Variants in CDH13 observed in about 807,000 individuals in gnomAD.
CDH13 encodes cadherin 13.
In CDH13, 24 loss-of-function variants were observed where a neutral mutation model predicts 63.8. The observed-to-expected ratio is 0.38, with a 90% confidence interval of 0.27 to 0.53. The LOEUF is 0.53. Ranked by LOEUF, CDH13 falls within the 20% of genes least tolerant of loss-of-function variation. The pLI, the probability that CDH13 is intolerant of heterozygous loss-of-function variation, is 0.85. For missense variants in CDH13, 1,049 were observed against 903.1 expected (o/e 1.16, Z -2.07); for synonymous variants, 503 against 355.3 (o/e 1.42, Z -4.67).
chr16:82,937,322 C>T (rs1465919079), intron 2 of CDH13, among the ~76,000 whole-genome samples: 2 of 151,972 alleles, frequency 1.3e-5, no homozygotes, highest in African/African-American at 4.8e-5. Flanking sequence ...TTTTACTTTT[C>T]ATTGGAGGTT....
At chr16:83,572,528 G>A (rs761605576) in intron 7 of CDH13, among the ~76,000 whole-genome samples, 4 of 152,142 alleles carry the variant, frequency 2.6e-5, no homozygotes, top group Non-Finnish European at 5.9e-5. Context: ...TATACTGTCA[G>A]TGTCAGGTTC....
intron 1 of CDH13, among the ~76,000 whole-genome samples, chr16:82,668,177 C>G (rs1025701417): frequency 1.3e-5 from 2 of 152,084 alleles, no homozygotes; most frequent in Non-Finnish European, 2.9e-5. Context: ...GGGCTTGTAG[C>G]TTTCCAGTTC....
At chr16:82,738,345 C>G (rs1405839855) in intron 1 of CDH13, among the ~76,000 whole-genome samples, 2 of 152,178 alleles carry the variant, frequency 1.3e-5, no homozygotes, top group Non-Finnish European at 1.5e-5. Flanking sequence ...AATTTGTGTT[C>G]CTGTCAAACT....
intron 1 of CDH13, among the ~76,000 whole-genome samples, chr16:82,795,992 G>A (rs1195687248): frequency 1.6e-5 from 2 of 127,288 alleles, no homozygotes; most frequent in Non-Finnish European, 3.3e-5. Context: ...ATCTTCTAAT[G>A]TTTTTTCAAG....
intron 2 of CDH13, among the ~76,000 whole-genome samples, chr16:82,958,600 C>T (rs1433346908): frequency 6.6e-6 from 1 of 152,174 alleles, no homozygotes; most frequent in African/African-American, 2.4e-5. Context: ...TTTGAGTGGT[C>T]AAGGGATTCA....
intron 6 of CDH13, among the ~76,000 whole-genome samples, chr16:83,403,026 G>A (rs949634079): frequency 2.0e-5 from 3 of 152,124 alleles, no homozygotes; most frequent in African/African-American, 7.2e-5. Flanking sequence ...GATTTATAAT[G>A]TGATATTTAA....
chr16:83,124,857 G>C (rs1204275357), intron 3 of CDH13, among the ~76,000 whole-genome samples: 1 of 152,056 alleles, frequency 6.6e-6, no homozygotes, highest in South Asian at 2.1e-4. Flanking sequence ...TTTAGTTCTG[G>C]ATTCTCTGTT....
chr16:82,698,665 C>G (rs1260895607), intron 1 of CDH13, among the ~76,000 whole-genome samples: 1 of 152,166 alleles, frequency 6.6e-6, no homozygotes, highest in Non-Finnish European at 1.5e-5. Context: ...AATCTACTGG[C>G]CAAACATCCC....
intron 7 of CDH13, among the ~76,000 whole-genome samples, chr16:83,527,962 C>G (rs1405758459): frequency 6.6e-6 from 1 of 152,134 alleles, no homozygotes; most frequent in Non-Finnish European, 1.5e-5. Context: ...AGATCTTCCT[C>G]GAATGAGTTC....
intron 10 of CDH13, among the ~76,000 whole-genome samples, chr16:83,702,994 C>T (rs893465173): frequency 6.6e-6 from 1 of 152,200 alleles, no homozygotes; most frequent in Non-Finnish European, 1.5e-5. Flanking sequence ...TGGGTAGAGG[C>T]CAGCATTTCT....
intron 1 of CDH13, among the ~76,000 whole-genome samples, chr16:82,779,727 C>T (rs534721900): frequency 1.2e-4 from 19 of 152,264 alleles, no homozygotes; most frequent in African/African-American, 3.4e-4. Context: ...CAGAGGAATG[C>T]AGAGCTTAAG....
chr16:83,175,889 C>T (rs1032811894), intron 4 of CDH13, among the ~76,000 whole-genome samples: 2 of 136,748 alleles, frequency 1.5e-5, no homozygotes, highest in East Asian at 2.2e-4. Context: ...AGTGTAATGG[C>T]GCGATCTCGG....
intron 6 of CDH13, among the ~76,000 whole-genome samples, chr16:83,384,740 G>C (rs1401295198): frequency 6.6e-6 from 1 of 152,192 alleles, no homozygotes; most frequent in Non-Finnish European, 1.5e-5. Flanking sequence ...GGATCAATGT[G>C]GACTAATGAT....
chr16:83,447,096 C>T lies in CDH13; in HGVS notation c.782-39381C>T, dbSNP rs982691516. The stretch of plus-strand genomic sequence containing the variant: ...AAAACAAAAAACACCTTATAGTAAC[C>T]TTTTTTTTTTTTTTTTTTTTTTTTT... On this transcript the variant is annotated intron_variant, in intron 6 of 13. Coordinates refer to ENST00000567109, the MANE Select transcript of CDH13 (RefSeq NM_001257.5). 5.1e-4 allele frequency among the ~76,000 whole-genome samples: 21 copies of T among 41,480 alleles called. 1 individual carries two copies. The highest frequency in any genetic ancestry group is 1.5e-3 in the East Asian group (3 of 2,022). 27.2% of individuals were successfully genotyped at this position (41,480 alleles called of 152,430 possible).
chr16:83,067,977 C>A (rs751326617), intron 3 of CDH13, among the ~76,000 whole-genome samples: 2 of 152,154 alleles, frequency 1.3e-5, no homozygotes, highest in Non-Finnish European at 2.9e-5. Context: ...TCATTCTCAA[C>A]TCTGAGGCTA....
intron 6 of CDH13, 59 bp from the exon 7 acceptor site, chr16:83,486,418 C>A: frequency 6.7e-7 from 1 of 1,485,992 alleles, no homozygotes. Context: ...GGGGAAGGGG[C>A]TCTGGCCGTT....
intron 1 of CDH13, among the ~76,000 whole-genome samples, chr16:82,784,458 C>T (rs530955696): frequency 1.3e-5 from 2 of 152,268 alleles, no homozygotes; most frequent in South Asian, 2.1e-4. Context: ...AATGCTCTCC[C>T]CCACACCCTG....
intron 6 of CDH13, among the ~76,000 whole-genome samples, chr16:83,401,028 C>A (rs978247321): frequency 6.6e-6 from 1 of 152,020 alleles, no homozygotes; most frequent in South Asian, 2.1e-4. Context: ...CGTGGTGAAA[C>A]CCCGTCTGTG....
intron 2 of CDH13, among the ~76,000 whole-genome samples, chr16:82,962,517 C>T (rs1236170175): frequency 1.3e-5 from 2 of 152,112 alleles, no homozygotes; most frequent in Non-Finnish European, 2.9e-5. Flanking sequence ...CAACAAAGCA[C>T]ATTAGGAGAG....
Sources: allele counts gnomAD v4.1 joint callset (sites outside exome capture counted in the v4.1 genomes callset), GRCh38; gene constraint gnomAD v4.1.1; transcripts MANE v1.5; gene names NCBI Gene and HGNC (gene_info 2026-07-23, HGNC 2026-07-21).